The following SEPTIN11 variants were observed in gnomAD, a reference collection of about 807,000 sequenced individuals.
SEPTIN11 encodes the protein septin 11, also known as septin-11.
A neutral mutation model predicts 51.4 loss-of-function variants in SEPTIN11; 25 were observed. The ratio of observed to expected loss-of-function variants is 0.49; its 90% CI spans 0.35 to 0.68. The LOEUF is 0.68. SEPTIN11 is among the 30% of genes least tolerant of loss of function. The pLI, the probability that SEPTIN11 is intolerant of heterozygous loss-of-function variation, is 0.00. For synonymous variants in SEPTIN11, 174 were observed against 184.1 expected (o/e 0.95, Z 0.44); for missense variants, 381 against 520.8 (o/e 0.73, Z 2.61).
chr4:76,974,103 A>G (rs1722375337), intron 1 of SEPTIN11, among the ~76,000 whole-genome samples: 1 of 152,058 alleles, frequency 6.6e-6, no homozygotes, highest in African/African-American at 2.4e-5. Flanking sequence ...TCTTTTGATC[A>G]CTCACATGTT....
intron 1 of SEPTIN11, among the ~76,000 whole-genome samples, chr4:76,951,923 G>A (rs1414174356): frequency 6.6e-6 from 1 of 152,172 alleles, no homozygotes; most frequent in African/African-American, 2.4e-5. Context: ...TACGTGCACA[G>A]AGGAAGTGAC....
At chr4:77,011,701 T>C (rs1724876030) in intron 3 of SEPTIN11, 34 bp from the exon 4 acceptor site, 1 of 1,599,768 alleles carries the variant, frequency 6.3e-7, no homozygotes, top group Non-Finnish European at 8.6e-7. Context: ...TGAAAGAGGT[T>C]TGAGACTAGA....
intron 1 of SEPTIN11, among the ~76,000 whole-genome samples, chr4:76,975,725 G>A (rs1373849313): frequency 6.6e-6 from 1 of 152,100 alleles, no homozygotes; most frequent in Non-Finnish European, 1.5e-5. Flanking sequence ...CCCCTAAAAG[G>A]TTCTTGGGGA....
At chr4:76,974,696 G>C (rs1208486787) in intron 1 of SEPTIN11, 4 of 454,196 alleles carry the variant, frequency 8.8e-6, no homozygotes, top group Non-Finnish European at 1.3e-5. Context: ...TTGTGTTTAG[G>C]ACCCTGGACA....
downstream of SEPTIN11, chr4:77,038,945 G>C: frequency 1.7e-6 from 1 of 583,816 alleles, no homozygotes; most frequent in South Asian, 1.6e-5. Flanking sequence ...CGTCGAGCTC[G>C]AGGAAGTCAC....
At chr4:77,028,859 C>G in intron 8 of SEPTIN11, 98 bp downstream of exon 8, 14 of 1,296,618 alleles carry the variant, frequency 1.1e-5, no homozygotes, top group South Asian at 2.0e-5. Flanking sequence ...CAAGTACTTT[C>G]TACATGCATT....
intron 1 of SEPTIN11, among the ~76,000 whole-genome samples, chr4:76,964,857 G>A (rs957212994): frequency 1.3e-5 from 2 of 152,180 alleles, no homozygotes; most frequent in African/African-American, 4.8e-5. Context: ...ACCTTTAAAA[G>A]GTCAAAAGAA....
At chr4:77,018,319 G>A (rs1013354164) in intron 5 of SEPTIN11, among the ~76,000 whole-genome samples, 3 of 151,928 alleles carry the variant, frequency 2.0e-5, no homozygotes, top group Non-Finnish European at 4.4e-5. Flanking sequence ...CATGGTGGCC[G>A]GTGCCTGTAG....
At chr4:77,016,624 A>G (rs1725275656) in intron 5 of SEPTIN11, among the ~76,000 whole-genome samples, 1 of 76,912 alleles carries the variant, frequency 1.3e-5, no homozygotes, top group Admixed American at 1.9e-4. Flanking sequence ...ACATATATAT[A>G]TATATACACA....
At chr4:76,974,727 A>T (rs1327634116) in intron 1 of SEPTIN11, 1 of 456,598 alleles carries the variant, frequency 2.2e-6, no homozygotes, top group East Asian at 6.9e-5. Flanking sequence ...TATGGTGAAA[A>T]GAATCTCACT....
downstream of SEPTIN11, chr4:77,038,734 G>A: frequency 2.5e-6 from 2 of 811,732 alleles, no homozygotes; most frequent in Non-Finnish European, 3.1e-6. Context: ...TCGTGTGGTA[G>A]ACTTCAAATG....
chr4:77,037,778 A>C lies in SEPTIN11; in HGVS notation c.*3266A>C. ...TTGGCAGTTCAGATTGTGTTTTCCC[A>C]ACTTAGGCTCTTTATTAATTGGTTA... On this transcript the variant is annotated 3_prime_UTR_variant, in exon 10 of 10. Transcript: ENST00000264893. 1.0e-6 allele frequency: 1 copy of C among 985,898 alleles called. No individual in the cohort carries two copies. Among genetic ancestry groups the C allele is most frequent in the Non-Finnish European group, 1.2e-6 (1 of 829,940 alleles). 61.1% of individuals were successfully genotyped at this position (985,898 alleles called of 1,614,324 possible). A position where few individuals can be genotyped will look rare whatever the true frequency, so the allele number is the denominator to read the frequency against.
chr4:76,977,157 T>C (rs1343474245), intron 1 of SEPTIN11, among the ~76,000 whole-genome samples: 1 of 152,160 alleles, frequency 6.6e-6, no homozygotes, highest in Non-Finnish European at 1.5e-5. Flanking sequence ...TATGTGACTT[T>C]GAATTTTTTA....
chr4:77,005,508 T>C (rs1724415843), intron 2 of SEPTIN11, 93 bp from the exon 3 acceptor site: 4 of 1,187,564 alleles, frequency 3.4e-6, no homozygotes, highest in Non-Finnish European at 4.7e-6. Flanking sequence ...TTTTTAAACT[T>C]TATAATCATG....
chr4:76,959,433 C>CA (rs1191006431), intron 1 of SEPTIN11, among the ~76,000 whole-genome samples: 1,656 of 145,774 alleles, frequency 0.011, 30 homozygotes, highest in African/African-American at 0.038. Flanking sequence ...AAAGTAGACT[C>CA]AAAAAAAAAA....
chr4:77,039,915 G>A (rs1578223325), downstream of SEPTIN11: 1 of 188,116 alleles, frequency 5.3e-6, no homozygotes, highest in South Asian at 1.8e-4. Flanking sequence ...TTTTTGTATT[G>A]GTTATTCAGC....
At chr4:77,026,764 A>G (rs897052865) in intron 7 of SEPTIN11, among the ~76,000 whole-genome samples, 3 of 152,240 alleles carry the variant, frequency 2.0e-5, no homozygotes, top group African/African-American at 2.4e-5. Flanking sequence ...GTAAAATTTC[A>G]TAAGAGGGAC....
chr4:77,020,702 C>T, intron 7 of SEPTIN11, 32 bp downstream of exon 7: 2 of 1,596,874 alleles, frequency 1.3e-6, no homozygotes, highest in Non-Finnish European at 1.7e-6. Context: ...AGGTGTCTCC[C>T]AGACAGTGGC....
intron 1 of SEPTIN11, among the ~76,000 whole-genome samples, chr4:76,957,137 C>G (rs1385976041): frequency 6.6e-6 from 1 of 152,236 alleles, no homozygotes; most frequent in Non-Finnish European, 1.5e-5. Context: ...TGGTAACCTT[C>G]TGAAAGGCCT....
Sources: allele counts gnomAD v4.1 joint callset (sites outside exome capture counted in the v4.1 genomes callset), GRCh38; gene constraint gnomAD v4.1.1; transcripts MANE v1.5; gene names NCBI Gene and HGNC (gene_info 2026-07-23, HGNC 2026-07-21).